The following NOX1 variants were observed in gnomAD, a reference collection of about 807,000 sequenced individuals.
NOX1 encodes the protein NADH/NADPH mitogenic oxidase subunit P65-MOX.
A neutral mutation model predicts 42.5 loss-of-function variants in NOX1; 34 were observed. The observed-to-expected ratio is 0.80, with a 90% CI of 0.61 to 1.07. The LOEUF (loss-of-function observed/expected upper bound fraction) is 1.07. NOX1 is among the 50% of genes least tolerant of loss of function. NOX1 has a pLI of 0.00. For missense variants in NOX1, 408 were observed against 427.0 expected, an observed-to-expected ratio of 0.96 and a Z score of 0.39; for synonymous variants, 143 against 152.5, an observed-to-expected ratio of 0.94 and a Z score of 0.46.
chrX:100,849,486 A>T, intron 10 of NOX1, 60 bp from the exon 11 acceptor site: 1 of 1,107,461 alleles, frequency 9.0e-7, no homozygotes, highest in Non-Finnish European at 1.2e-6. Context: ...ACATTTATAG[A>T]GCCGCAAACT....
Position 100,850,145 on chromosome X carries a change from A to T in NOX1, c.1133+6T>A, listed in dbSNP as rs1044257353. ...GTCTGGGACTCTCCTGGTCTCAAGG[A>T]CCTACCTGGGAATTGGTGAATATTG... On this transcript the variant is annotated splice_donor_region_variant and intron_variant, in intron 9 of 12. Coordinates refer to ENST00000372966, the MANE Select transcript of NOX1 (RefSeq NM_007052.5). 3 of 1,192,577 alleles carry T rather than the reference A, an allele frequency of 2.5e-6. No homozygotes were observed. The African/African-American group carries it at 5.3e-5, about 21-fold the overall frequency.
chrX:100,846,968 A>G (rs755585194), intron 12 of NOX1, among the ~76,000 whole-genome samples: 1 of 111,428 alleles, frequency 9.0e-6, no homozygotes, highest in Non-Finnish European at 1.9e-5. Flanking sequence ...TGAGTGAATC[A>G]CCTGAGGTCA....
chrX:100,845,673 T>C (rs1017449930), intron 12 of NOX1, among the ~76,000 whole-genome samples: 2 of 97,622 alleles, frequency 2.0e-5, no homozygotes, highest in Non-Finnish European at 4.0e-5. Context: ...TGGAGTACAA[T>C]GGTATGATCT....
intron 1 of NOX1, among the ~76,000 whole-genome samples, chrX:100,873,718 C>T (rs1323581843): frequency 9.0e-6 from 1 of 111,632 alleles, no homozygotes; most frequent in Non-Finnish European, 1.9e-5. Flanking sequence ...AGTACTGGGC[C>T]AGATGATCTC....
chrX:100,856,194 C>A, intron 7 of NOX1: 4 of 957,636 alleles, frequency 4.2e-6, no homozygotes, highest in Non-Finnish European at 5.9e-6. Flanking sequence ...TCCACAGTGG[C>A]GTATGTGACA....
At chrX:100,870,852 A>G (rs1170219128) in intron 1 of NOX1, 38 bp from the exon 2 acceptor site, 1 of 889,330 alleles carries the variant, frequency 1.1e-6, no homozygotes, top group Non-Finnish European at 1.6e-6. Flanking sequence ...GAATAAAGTG[A>G]AATTTGAGTA....
rs188499255 is a variant in NOX1, at chrX:100,854,409, G to A, written c.805-3084C>T. 6.0e-3 allele frequency among the ~76,000 whole-genome samples: 671 copies of A among 110,943 alleles called. 3 individuals are homozygous for A. Among genetic ancestry groups the A allele is most frequent in the Non-Finnish European group, 0.011 (571 of 52,985 alleles). ...TATTCTCTCTCTTAGAGTATTACAC[G>A]ACCAACCAAAGCAACCCCTAAGTTT... On this transcript the variant is annotated intron_variant, in intron 7 of 12. Transcript: ENST00000372966.
intron 1 of NOX1, among the ~76,000 whole-genome samples, chrX:100,871,151 T>C: frequency 8.9e-6 from 1 of 112,446 alleles, no homozygotes; most frequent in Non-Finnish European, 1.9e-5. Context: ...TTTTGTGGCA[T>C]GTGAAAGTTA....
At chrX:100,865,065 G>A (rs766846175) in intron 2 of NOX1, among the ~76,000 whole-genome samples, 1 of 112,391 alleles carries the variant, frequency 8.9e-6, no homozygotes, top group African/African-American at 3.2e-5. Flanking sequence ...TATCTATAAT[G>A]GCTAAGAATG....
intron 12 of NOX1, among the ~76,000 whole-genome samples, chrX:100,847,766 C>CAAAA (rs11404159): frequency 1.6e-5 from 1 of 60,694 alleles, no homozygotes; most frequent in Non-Finnish European, 2.9e-5. Flanking sequence ...AACTCCATCT[C>CAAAA]AAAAAAAAAA....
intron 7 of NOX1, chrX:100,855,212 T>C (rs1173751445): frequency 1.3e-5 from 6 of 479,025 alleles, no homozygotes; most frequent in South Asian, 2.5e-5. Flanking sequence ...TTTGGCTGAG[T>C]TCATGAATCT....
intron 7 of NOX1, among the ~76,000 whole-genome samples, chrX:100,853,271 TTTC>T (rs1451999881): frequency 7.0e-5 from 4 of 56,847 alleles, no homozygotes; most frequent in African/African-American, 3.2e-4. Flanking sequence ...CCTTTCTTTC[TTTC>T]TTTCTTTCTT....
chrX:100,854,050 G>A (rs2085150290), intron 7 of NOX1, among the ~76,000 whole-genome samples: 1 of 111,179 alleles, frequency 9.0e-6, no homozygotes, highest in Non-Finnish European at 1.9e-5. Context: ...AGCTGAGGCA[G>A]GAGAATCACT....
intron 7 of NOX1, among the ~76,000 whole-genome samples, chrX:100,851,656 C>G (rs111728009): frequency 5.4e-5 from 6 of 111,803 alleles, no homozygotes; most frequent in Non-Finnish European, 1.1e-4. Context: ...CACAGTGGCT[C>G]ATCCTAGCAC....
chrX:100,870,777 T>G lies in NOX1; in HGVS notation c.83A>C (p.Asp28Ala). The G allele has an allele frequency of 3.3e-6, 4 of 1,197,868 alleles. No homozygotes were observed. Among genetic ancestry groups the G allele is most frequent in the Non-Finnish European group, 4.5e-6 (4 of 884,900 alleles). Residue 28 changes from aspartate to alanine, a missense_variant, in exon 2 of 13, where the codon GAT becomes GCT. Transcript: ENST00000372966. ...WLGLNVFLFV[D>A]AFLKYEKADK... The stretch of plus-strand genomic sequence containing the variant: ...GGCCTTCTCATATTTCAGGAAGGCA[T>G]CCACAAACAGGAAAACATTCAGCCC...
chrX:100,868,715 C>CT (rs869174560), intron 2 of NOX1, among the ~76,000 whole-genome samples: 70 of 110,530 alleles, frequency 6.3e-4, no homozygotes, highest in Admixed American at 2.6e-3. Flanking sequence ...TTTTACTTTC[C>CT]TTTTTTTTAA....
chrX:100,849,221 C>T, intron 11 of NOX1, 59 bp downstream of exon 11: 1 of 1,146,023 alleles, frequency 8.7e-7, no homozygotes, highest in East Asian at 3.0e-5. Context: ...TATGCACTAT[C>T]CTTTGTCTGA....
intron 8 of NOX1, among the ~76,000 whole-genome samples, 170 bp downstream of exon 8, chrX:100,851,063 C>T (rs1445566875): frequency 9.1e-6 from 1 of 110,451 alleles, no homozygotes; most frequent in Non-Finnish European, 1.9e-5. Flanking sequence ...TGGTCTCGAA[C>T]TCCTGACCTC....
chrX:100,862,731 T>C lies in NOX1; in HGVS notation c.427A>G (p.Ser143Gly), dbSNP rs1444467663. The C allele has an allele frequency of 8.3e-7, 1 of 1,198,631 alleles. No homozygotes were observed. Among genetic ancestry groups the C allele is most frequent in the South Asian group, 1.8e-5 (1 of 54,555 alleles). The change falls in exon 5 of 13, where the codon AGC becomes GGC. Residue 143 changes from serine (S) to glycine (G), a missense_variant. By Grantham distance (56) the Ser-to-Gly change is moderately conservative. Coordinates refer to ENST00000372966, the MANE Select transcript of NOX1 (RefSeq NM_007052.5). ...CCCTTTTTCTCATCATGAGATAGGC[T>C]GGAGAGAATGGAGGCAAGGGAGCCA... ...TDGSLASILS[S>G]LSHDEKKGGS... is the part of the protein sequence containing the mutation.
Sources: gnomAD v4.1 joint callset for allele counts (sites outside exome capture counted in the v4.1 genomes callset) on GRCh38, gnomAD v4.1.1 for gene constraint, MANE v1.5 for transcripts, NCBI Gene and HGNC (gene_info 2026-07-23, HGNC 2026-07-21) for gene names.